Variants in MYCT1 observed in about 807,000 individuals in gnomAD.
MYCT1 encodes the protein myc target protein 1.
In MYCT1, 12 loss-of-function variants were observed where a neutral mutation model predicts 15.0. That is an observed-to-expected ratio of 0.80 (90% CI 0.51 to 1.29). The LOEUF (loss-of-function observed/expected upper bound fraction) is 1.29, where lower values mean the gene tolerates loss of function less well. Among genes scored for constraint, MYCT1 ranks in the 50% most tolerant of loss-of-function variants. The pLI is 0.00. For missense variants in MYCT1, 287 were observed against 279.1 expected, an observed-to-expected ratio of 1.03 and a Z score of -0.20; for synonymous variants, 104 against 102.7, an observed-to-expected ratio of 1.01 and a Z score of -0.07.
Position 152,702,994 on chromosome 6 carries a change from A to T in MYCT1, c.196+4896A>T, listed in dbSNP as rs2099721602. ...CTTTTTAATACATCCCTGACCTCAAACTTCTGCATCTAAATTCATGAGAGA... is the reference window on the plus strand; with the variant it reads ...CTTTTTAATACATCCCTGACCTCAATCTTCTGCATCTAAATTCATGAGAGA... On this transcript the variant is annotated intron_variant, in intron 1 of 1. Transcript: ENST00000367245. Among the ~76,000 whole-genome samples the T allele has an allele frequency of 2.0e-5, 3 of 152,224 alleles. No homozygotes were observed. In the South Asian group the frequency reaches 6.2e-4, roughly 32 times the overall value.
At chr6:152,717,358 G>C (rs1206967078) in intron 1 of MYCT1, among the ~76,000 whole-genome samples, 1 of 152,070 alleles carries the variant, frequency 6.6e-6, no homozygotes, top group African/African-American at 2.4e-5. Flanking sequence ...ATTATTTGTA[G>C]GTGTTTTAAT....
At chr6:152,737,056 A>G in the MYCT1 span, among the ~76,000 whole-genome samples, 3 of 152,156 alleles carry the variant, frequency 2.0e-5, no homozygotes, top group South Asian at 6.2e-4. Flanking sequence ...TAAAGCAGAT[A>G]TAACCAAAAG....
At chr6:152,738,665 A>T in the MYCT1 span, among the ~76,000 whole-genome samples, 2 of 152,138 alleles carry the variant, frequency 1.3e-5, no homozygotes, top group Non-Finnish European at 1.5e-5. Context: ...ATGCAAATTA[A>T]TCCTTAAGTT....
At chr6:152,746,247 G>T in the MYCT1 span, among the ~76,000 whole-genome samples, 1 of 152,214 alleles carries the variant, frequency 6.6e-6, no homozygotes, top group African/African-American at 2.4e-5. Flanking sequence ...AATGTGTACA[G>T]TCATCTCCCA....
At chr6:152,734,716 A>G in the MYCT1 span, among the ~76,000 whole-genome samples, 3 of 152,076 alleles carry the variant, frequency 2.0e-5, no homozygotes, top group Non-Finnish European at 2.9e-5. Flanking sequence ...TTCCACCCCA[A>G]GGTATTTGCA....
At chr6:152,707,643 T>C (rs1272605847) in intron 1 of MYCT1, among the ~76,000 whole-genome samples, 1 of 152,116 alleles carries the variant, frequency 6.6e-6, no homozygotes, top group Non-Finnish European at 1.5e-5. Context: ...TAGGTTTGTA[T>C]CTTTAATCCA....
intron 1 of MYCT1, chr6:152,706,209 A>G: frequency 1.3e-6 from 1 of 793,420 alleles, no homozygotes. Flanking sequence ...AACTTCAGAG[A>G]AGTCAGTTGG....
intron 1 of MYCT1, among the ~76,000 whole-genome samples, chr6:152,700,963 T>C (rs1192824791): frequency 6.6e-6 from 1 of 152,222 alleles, no homozygotes; most frequent in Non-Finnish European, 1.5e-5. Context: ...ATTATGCGTC[T>C]ATACATATGC....
chr6:152,728,877 G>A (rs550302386), downstream of MYCT1, among the ~76,000 whole-genome samples: 49 of 152,290 alleles, frequency 3.2e-4, 2 homozygotes, highest in South Asian at 1.0e-2. Flanking sequence ...CTGTACTCTA[G>A]CCTGGGTGAC....
At chr6:152,731,713 G>A in the MYCT1 span, among the ~76,000 whole-genome samples, 7 of 151,486 alleles carry the variant, frequency 4.6e-5, no homozygotes, top group Non-Finnish European at 1.0e-4. Context: ...TCCCAGTGAG[G>A]TATAAAGCAT....
chr6:152,731,750 T>C, the MYCT1 span, among the ~76,000 whole-genome samples: 1 of 34,454 alleles, frequency 2.9e-5, no homozygotes, highest in Admixed American at 4.5e-4. Flanking sequence ...AGAACGCCAT[T>C]TTTTTTTTTT....
the MYCT1 span, among the ~76,000 whole-genome samples, chr6:152,742,373 T>C: frequency 2.0e-5 from 3 of 152,224 alleles, no homozygotes; most frequent in South Asian, 4.1e-4. Flanking sequence ...CATGAGAGAA[T>C]ACGGTACTTT....
At chr6:152,746,234 T>C in the MYCT1 span, among the ~76,000 whole-genome samples, 11 of 152,352 alleles carry the variant, frequency 7.2e-5, 1 homozygote, top group South Asian at 2.3e-3. Context: ...GCTGGTTGCA[T>C]GGAATGTGTA....
In MYCT1 at chr6:152,721,699, C is replaced by A. The variant is rs1163559269; in HGVS notation, c.197-43C>A. ...GCTGACCCTTGTTTTTAGTTGAAAA[C>A]CTATTTAAAAATTGATTTAGCAATT... On this transcript the variant is annotated intron_variant, in intron 1 of 1. Transcript: ENST00000367245. 9 of 1,562,756 alleles carry A rather than the reference C, an allele frequency of 5.8e-6. No individual in the cohort carries two copies. In the East Asian group the frequency reaches 1.8e-4, roughly 31 times the overall value.
chr6:152,699,500 CAGA>C (rs1018740908), intron 1 of MYCT1, among the ~76,000 whole-genome samples: 7 of 152,068 alleles, frequency 4.6e-5, no homozygotes, highest in Non-Finnish European at 7.4e-5. Flanking sequence ...TAGCACTAGA[CAGA>C]AGCCTTTGAA....
Position 152,714,795 on chromosome 6 carries a change from T to C in MYCT1, c.197-6947T>C, listed in dbSNP as rs59615662. Among the ~76,000 whole-genome samples the C allele has an allele frequency of 4.7e-4, 71 of 151,408 alleles. 1 individual carries two copies. In the East Asian group the frequency reaches 0.013, roughly 28 times the overall value. The stretch of plus-strand genomic sequence containing the variant: ...CTTGTAATTTATTATTTATAACACA[T>C]ATATATATAACATTATTAGGTATAT... On this transcript the variant is annotated intron_variant, in intron 1 of 1. Coordinates refer to ENST00000367245, the MANE Select transcript of MYCT1 (RefSeq NM_025107.3).
At chr6:152,745,679 G>A in the MYCT1 span, among the ~76,000 whole-genome samples, 6 of 152,128 alleles carry the variant, frequency 3.9e-5, no homozygotes, top group Non-Finnish European at 7.4e-5. Flanking sequence ...AGATGGTCTA[G>A]GGCTGGCTGT....
rs763046706 is a variant in MYCT1 at position 152,721,976 on chromosome 6, T to G, written c.431T>G (p.Phe144Cys). 6.2e-7 allele frequency: 1 copy of G among 1,614,166 alleles called. No individual in the cohort carries two copies. The highest frequency in any genetic ancestry group is 1.1e-5 in the South Asian group (1 of 91,074). Residue 144 changes from phenylalanine to cysteine, a missense_variant, in exon 2 of 2, where the codon TTC becomes TGC. Coordinates refer to ENST00000367245, the MANE Select transcript of MYCT1 (RefSeq NM_025107.3). The stretch of plus-strand genomic sequence containing the variant: ...AACCTCAGCCTGGCCAGTCTCACCT[T>G]CCAGCGACAAGCTTCCCTGGAACAA... The part of the protein sequence containing the change: ...RSNLSLASLT[F>C]QRQASLEQAN...
chr6:152,744,776 G>T, the MYCT1 span, among the ~76,000 whole-genome samples: 3 of 152,172 alleles, frequency 2.0e-5, no homozygotes, highest in Non-Finnish European at 4.4e-5. Context: ...AGTCCATAAA[G>T]GTCAGCCTTC....
Sources: gnomAD v4.1 joint callset for allele counts (sites outside exome capture counted in the v4.1 genomes callset) on GRCh38, gnomAD v4.1.1 for gene constraint, MANE v1.5 for transcripts, NCBI Gene and HGNC (gene_info 2026-07-23, HGNC 2026-07-21) for gene names.